The following MMP26 variants were observed in gnomAD, a reference collection of about 807,000 sequenced individuals.
MMP26 encodes the protein matrix metallopeptidase 26.
In MMP26, 33 loss-of-function variants were observed where a neutral mutation model predicts 31.0. The ratio of observed to expected loss-of-function variants is 1.06; its 90% CI spans 0.81 to 1.42. The LOEUF is 1.42. Ranked by LOEUF, MMP26 falls within the 40% of genes most tolerant of loss-of-function variation. The pLI is 0.00. For synonymous variants in MMP26, 122 were observed against 114.9 expected (o/e 1.06, Z -0.40); for missense variants, 347 against 316.1 (o/e 1.10, Z -0.74).
chr11:4,935,820 A>C (rs1220500550), intron 2 of MMP26, among the ~76,000 whole-genome samples: 3 of 151,634 alleles, frequency 2.0e-5, no homozygotes, highest in African/African-American at 7.3e-5. Flanking sequence ...CTTTTTCTGC[A>C]TCTATTGAGA....
intron 2 of MMP26, among the ~76,000 whole-genome samples, chr11:4,836,889 G>A (rs889955890): frequency 3.3e-5 from 5 of 150,854 alleles, no homozygotes; most frequent in South Asian, 2.1e-4. Flanking sequence ...GGCTGGTCCC[G>A]AACTCCTGAC....
chr11:4,953,078 G>T (rs1278586376), intron 2 of MMP26, among the ~76,000 whole-genome samples: 1 of 124,804 alleles, frequency 8.0e-6, no homozygotes, highest in Non-Finnish European at 1.8e-5. Flanking sequence ...AGGAAAGTTG[G>T]ACTATTTTTC....
intron 2 of MMP26, among the ~76,000 whole-genome samples, chr11:4,935,587 G>T (rs1282112888): frequency 1.4e-3 from 213 of 152,026 alleles, no homozygotes; most frequent in Admixed American, 4.5e-3. Context: ...CTGCCTAATT[G>T]CCCTTGCCAG....
intron 2 of MMP26, chr11:4,889,859 C>T (rs1850593198): frequency 6.1e-6 from 1 of 163,710 alleles, no homozygotes; most frequent in African/African-American, 2.4e-5. Flanking sequence ...GGATCCAATT[C>T]CCATGATCGT....
At chr11:4,734,996 C>T (rs1848220848) in intron 1 of MMP26, among the ~76,000 whole-genome samples, 1 of 152,168 alleles carries the variant, frequency 6.6e-6, no homozygotes, top group South Asian at 2.1e-4. Flanking sequence ...CTCTTGGCTG[C>T]ACTCACCTGG....
rs760673696 is a variant in MMP26 at position 4,924,093 on chromosome 11, C to G, written c.-144-63975C>G. On this transcript the variant is annotated intron_variant, in intron 2 of 7. Coordinates refer to ENST00000380390, the MANE Select transcript of MMP26 (RefSeq NM_021801.5). ...GTATCAAACCAGAAAATGCCCAGCA[C>G]AGTGGGCAGTGTGGAAAGGCAAAGG... 38 of 1,613,998 alleles carry G rather than the reference C, an allele frequency of 2.4e-5. No individual in the cohort carries two copies. Among genetic ancestry groups the G allele is most frequent in the Non-Finnish European group, 3.2e-5 (38 of 1,180,036 alleles).
chr11:4,882,168 A>T (rs921527613), intron 2 of MMP26: 4 of 1,613,772 alleles, frequency 2.5e-6, no homozygotes, highest in Non-Finnish European at 3.4e-6. Context: ...CTCTGGTTTC[A>T]TGCCCGGGAG....
chr11:4,848,996 G>C, intron 2 of MMP26: 6 of 1,614,154 alleles, frequency 3.7e-6, no homozygotes, highest in Non-Finnish European at 5.1e-6. Flanking sequence ...TAAGCAAGAA[G>C]AGGAAGAAGT....
At chr11:4,776,950 A>C (rs1848798122) in intron 2 of MMP26, among the ~76,000 whole-genome samples, 1 of 152,132 alleles carries the variant, frequency 6.6e-6, no homozygotes, top group South Asian at 2.1e-4. Flanking sequence ...TGAGGAGTTA[A>C]ACTTAAAAAA....
rs554371348 is a variant in MMP26, at chr11:4,838,446, T to A, written c.-145+71105T>A. ...CATGTAAATCCTTTAAAGCCAGCAA[T>A]CGTGACCTGGAGATCAGTCTTTCAG... On this transcript the variant is annotated intron_variant, in intron 2 of 7. Coordinates refer to ENST00000380390, the MANE Select transcript of MMP26 (RefSeq NM_021801.5). Among the ~76,000 whole-genome samples, 6 of 143,656 alleles carry A rather than the reference T, an allele frequency of 4.2e-5. No individual in the cohort carries two copies. The East Asian group carries it at 1.4e-3, about 33-fold the overall frequency. 94.2% of individuals were successfully genotyped at this position (143,656 alleles called of 152,430 possible).
chr11:4,889,341 G>A (rs2570592), intron 2 of MMP26, among the ~76,000 whole-genome samples: 151,899 of 152,264 alleles, frequency 1, 75,770 homozygotes, highest in Middle Eastern at 1. Flanking sequence ...CAAAAATACT[G>A]TGTAAATAGT....
intron 2 of MMP26, among the ~76,000 whole-genome samples, chr11:4,811,901 T>C (rs1541946): frequency 0.21 from 32,596 of 152,078 alleles, 4,222 homozygotes; most frequent in African/African-American, 0.36. Flanking sequence ...CTGATTGATC[T>C]TCCCAGAGGC....
intron 2 of MMP26, chr11:4,849,308 C>T: frequency 7.7e-7 from 1 of 1,300,846 alleles, no homozygotes; most frequent in Non-Finnish European, 1.1e-6. Flanking sequence ...AAATAGCCTG[C>T]ATCTTCCCTT....
chr11:4,842,585 GA>G (rs1274023842), intron 2 of MMP26, among the ~76,000 whole-genome samples: 2 of 152,140 alleles, frequency 1.3e-5, no homozygotes, highest in African/African-American at 4.8e-5. Context: ...AGAACAGCAT[GA>G]TTTAATCATC....
intron 2 of MMP26, among the ~76,000 whole-genome samples, chr11:4,912,389 C>A (rs1255560964): frequency 6.6e-6 from 1 of 152,180 alleles, no homozygotes; most frequent in South Asian, 2.1e-4. Flanking sequence ...GAGAACATAA[C>A]TCCTTTATGG....
Position 4,955,939 on chromosome 11 carries a change from C to G in MMP26, c.-144-32129C>G, listed in dbSNP as rs186896653. ...TTAGAGTAGAATCTGTCTATTAATG[C>G]ATTGGGAAAATTATTTCTGGACATG... On this transcript the variant is annotated intron_variant, in intron 2 of 7. Transcript: ENST00000380390. 3.4e-4 allele frequency among the ~76,000 whole-genome samples: 51 copies of G among 152,238 alleles called. No homozygotes were observed. In the South Asian group the frequency reaches 4.6e-3, roughly 14 times the overall value.
intron 2 of MMP26, among the ~76,000 whole-genome samples, chr11:4,777,938 A>G (rs1848809959): frequency 6.6e-6 from 1 of 152,138 alleles, no homozygotes; most frequent in Non-Finnish European, 1.5e-5. Flanking sequence ...CATGCATAAC[A>G]TATGCATACC....
At chr11:4,855,110 G>A (rs576328335) in intron 2 of MMP26, among the ~76,000 whole-genome samples, 1 of 152,280 alleles carries the variant, frequency 6.6e-6, no homozygotes, top group Non-Finnish European at 1.5e-5. Context: ...CAAAGATGGG[G>A]AGAAAACAGA....
intron 1 of MMP26, among the ~76,000 whole-genome samples, chr11:4,764,396 T>C (rs939320151): frequency 6.6e-6 from 1 of 152,200 alleles, no homozygotes; most frequent in Non-Finnish European, 1.5e-5. Context: ...AATATTTCCC[T>C]TTTTCTGATA....
Sources: gnomAD v4.1 joint callset for allele counts (sites outside exome capture counted in the v4.1 genomes callset) on GRCh38, gnomAD v4.1.1 for gene constraint, MANE v1.5 for transcripts, NCBI Gene and HGNC (gene_info 2026-07-23, HGNC 2026-07-21) for gene names.